Variants in USP48 observed in about 807,000 individuals in gnomAD.
USP48 encodes the protein ubiquitin carboxyl-terminal hydrolase 48.
A neutral mutation model predicts 150.7 loss-of-function variants in USP48; 43 were observed. That is an observed-to-expected ratio of 0.29 (90% CI 0.22 to 0.37). USP48 has a LOEUF of 0.37. USP48 is among the 10% of genes least tolerant of loss of function. The probability of loss-of-function intolerance (pLI) is 1.00; values close to 1 mark genes in which losing one functional copy is unlikely to be tolerated. For missense variants in USP48, 813 were observed against 1,249.6 expected (o/e 0.65, Z 5.27); for synonymous variants, 396 against 425.9 (o/e 0.93, Z 0.86).
At chr1:21,763,259 C>T (rs1252700802) in intron 1 of USP48, among the ~76,000 whole-genome samples, 2 of 152,166 alleles carry the variant, frequency 1.3e-5, no homozygotes, top group South Asian at 2.1e-4. Flanking sequence ...CGTCTTCAGT[C>T]GGCTAGAACA....
intron 15 of USP48, among the ~76,000 whole-genome samples, chr1:21,713,207 T>TA (rs145494553): frequency 0.021 from 3,138 of 152,146 alleles, 42 homozygotes; most frequent in Middle Eastern, 0.048. Context: ...TGGGCTCAGG[T>TA]AACCCTCTCA....
Position 21,755,797 on chromosome 1 carries a change from G to A in USP48, c.412+749C>T, listed in dbSNP as rs1007589705. Among the ~76,000 whole-genome samples, 8 of 151,838 alleles carry A rather than the reference G, an allele frequency of 5.3e-5. No homozygotes were observed. The South Asian group carries it at 6.3e-4, about 12-fold the overall frequency. ...CTGTAATCCAGCACTTTTGGAGACCGAGACAGGAGGACTGCTTAAGGCCAG... is the reference window on the plus strand; with the variant it reads ...CTGTAATCCAGCACTTTTGGAGACCAAGACAGGAGGACTGCTTAAGGCCAG... On this transcript the variant is annotated intron_variant, in intron 3 of 26. Coordinates refer to ENST00000308271, the MANE Select transcript of USP48 (RefSeq NM_032236.8).
intron 8 of USP48, among the ~76,000 whole-genome samples, chr1:21,740,126 G>C (rs1171518149): frequency 6.6e-6 from 1 of 152,180 alleles, no homozygotes; most frequent in African/African-American, 2.4e-5. Flanking sequence ...GGTCAGGCTG[G>C]TCTTGAACTC....
intron 9 of USP48, chr1:21,732,621 TACTTTTTA>T (rs1297249914): frequency 3.5e-5 from 10 of 282,314 alleles, no homozygotes; most frequent in African/African-American, 2.3e-4. Flanking sequence ...TATCCAGAAG[TACTTTTTA>T]ACTATTTAGA....
At chr1:21,727,879 A>G (rs2097743673) in intron 11 of USP48, 1 of 976,296 alleles carries the variant, frequency 1.0e-6, no homozygotes, top group Non-Finnish European at 1.2e-6. Flanking sequence ...TTTCTAAAGT[A>G]AGGACTAAAT....
At chr1:21,680,893 A>G (rs1348830761) in intron 25 of USP48, 59 bp from the exon 26 acceptor site, 2 of 1,359,666 alleles carry the variant, frequency 1.5e-6, no homozygotes, top group South Asian at 1.3e-5. Context: ...ACAGACAGTA[A>G]TATCATTTCA....
intron 8 of USP48, among the ~76,000 whole-genome samples, chr1:21,743,005 T>C (rs1488768917): frequency 6.6e-6 from 1 of 152,094 alleles, no homozygotes; most frequent in East Asian, 1.9e-4. Context: ...ACGTTTAAAG[T>C]GGTTTAAAAA....
At chr1:21,725,509 T>G (rs1485434104) in intron 11 of USP48, among the ~76,000 whole-genome samples, 2 of 152,116 alleles carry the variant, frequency 1.3e-5, no homozygotes, top group Non-Finnish European at 2.9e-5. Flanking sequence ...CCTAGCACTT[T>G]GGGAGGCCGA....
chr1:21,680,941 C>CT (rs2097564074), intron 25 of USP48, 107 bp from the exon 26 acceptor site: 4 of 771,218 alleles, frequency 5.2e-6, no homozygotes, highest in Non-Finnish European at 8.4e-6. Context: ...CTTTTGATTA[C>CT]CTTTGTCACC....
At chr1:21,755,952 G>T (rs1571988827) in intron 3 of USP48, among the ~76,000 whole-genome samples, 1 of 152,016 alleles carries the variant, frequency 6.6e-6, no homozygotes, top group South Asian at 2.1e-4. Flanking sequence ...GATCACCTGA[G>T]GTCGGGAGTT....
chr1:21,690,758 G>C (rs1320366248), intron 23 of USP48, among the ~76,000 whole-genome samples: 1 of 151,974 alleles, frequency 6.6e-6, no homozygotes, highest in African/African-American at 2.4e-5. Context: ...CGAATTCTTA[G>C]ACTCAAGCAA....
intron 25 of USP48, 78 bp downstream of exon 25, chr1:21,687,113 C>T: frequency 1.5e-6 from 2 of 1,371,432 alleles, no homozygotes; most frequent in Non-Finnish European, 2.0e-6. Context: ...AAGCACTGTA[C>T]ACTAAAGCTT....
chr1:21,755,689 T>C lies in USP48; in HGVS notation c.412+857A>G, dbSNP rs2097831140. On this transcript the variant is annotated intron_variant, in intron 3 of 26. Coordinates refer to ENST00000308271, the MANE Select transcript of USP48 (RefSeq NM_032236.8). ...GCAAGTCAATATACCATCTGTAAAA[T>C]AAAGATAAAATATTACTCCTTGGGG... 3.9e-5 allele frequency among the ~76,000 whole-genome samples: 6 copies of C among 152,038 alleles called. No homozygotes were observed. The South Asian group carries it at 1.2e-3, about 31-fold the overall frequency.
intron 16 of USP48, 77 bp from the exon 17 acceptor site, chr1:21,706,666 G>C: frequency 6.2e-7 from 1 of 1,611,914 alleles, no homozygotes. Flanking sequence ...CCCGTCAGAA[G>C]TACAGTGTTA....
intron 18 of USP48, 92 bp downstream of exon 18, chr1:21,706,034 G>T: frequency 7.4e-7 from 1 of 1,351,894 alleles, no homozygotes; most frequent in Non-Finnish European, 1.0e-6. Context: ...ATGAAGGAAG[G>T]GTACAACAAA....
chr1:21,763,913 G>A (rs1033347437), intron 1 of USP48, among the ~76,000 whole-genome samples: 1 of 152,184 alleles, frequency 6.6e-6, no homozygotes, highest in Non-Finnish European at 1.5e-5. Flanking sequence ...TACTTCTAAA[G>A]CCAGCCTTAG....
chr1:21,746,932 T>TC, intron 8 of USP48, 135 bp downstream of exon 8: 1 of 627,554 alleles, frequency 1.6e-6, no homozygotes, highest in Non-Finnish European at 2.6e-6. Context: ...AAGTCTTTGT[T>TC]CCCAGACAGA....
chr1:21,735,427 C>T (rs953692781), intron 9 of USP48, among the ~76,000 whole-genome samples: 2 of 152,126 alleles, frequency 1.3e-5, no homozygotes, highest in Non-Finnish European at 2.9e-5. Context: ...AGGTAAGACC[C>T]CGTCTCCACA....
chr1:21,765,901 CAAAAAAAAAAAAAAAAAAAAAAAAAA>C (rs199539331), intron 1 of USP48, among the ~76,000 whole-genome samples: 2 of 112,160 alleles, frequency 1.8e-5, no homozygotes, highest in Admixed American at 1.8e-4. Flanking sequence ...ACTCCATCTC[CAAAAAAAAAAAAAAAAAAAAAAAAAA>C]AAAAAAAAAA....
Sources: allele counts gnomAD v4.1 joint callset (sites outside exome capture counted in the v4.1 genomes callset), GRCh38; gene constraint gnomAD v4.1.1; transcripts MANE v1.5; gene names NCBI Gene and HGNC (gene_info 2026-07-23, HGNC 2026-07-21).